TMEM74: variants seen among roughly 807,000 people sequenced by gnomAD.
TMEM74 encodes transmembrane protein 74.
TMEM74 carries 13 observed loss-of-function variants against 18.1 expected under a neutral mutation model. The observed-to-expected ratio is 0.72, with a 90% CI of 0.47 to 1.14. The LOEUF (loss-of-function observed/expected upper bound fraction) is 1.14, where lower values mean the gene tolerates loss of function less well. Among genes scored for constraint, TMEM74 ranks in the 50% most tolerant of loss-of-function variants. TMEM74 has a pLI of 0.00. For synonymous variants in TMEM74, 159 were observed against 146.6 expected (o/e 1.08, Z -0.61); for missense variants, 372 against 375.9 (o/e 0.99, Z 0.09).
In TMEM74 at chr8:108,751,744, CT is replaced by C. The variant is rs528054773; in HGVS notation, n.119+35731del. ...ACAATGACAAAAAATCCAAACAAACCTACCTAGACTAAAGGGAATAAAATAC... is the reference window on the plus strand; with the variant it reads ...ACAATGACAAAAAATCCAAACAAACCACCTAGACTAAAGGGAATAAAATAC... On this transcript the variant is annotated intron_variant and non_coding_transcript_variant, in intron 1 of 3. Coordinates refer to the TMEM74 transcript ENST00000518838. Among the ~76,000 whole-genome samples the C allele has an allele frequency of 7.4e-3, 1,129 of 152,152 alleles. 7 individuals are homozygous for C. The highest frequency in any genetic ancestry group is 0.01 in the Non-Finnish European group (713 of 67,964).
At chr8:108,633,939 G>C (rs1812580423) in intron 2 of TMEM74, among the ~76,000 whole-genome samples, 1 of 151,924 alleles carries the variant, frequency 6.6e-6, no homozygotes, top group South Asian at 2.1e-4. Flanking sequence ...TATTTTATTT[G>C]GTTTCAACAG....
chr8:108,750,086 C>T (rs1367729736), intron 1 of TMEM74, among the ~76,000 whole-genome samples: 1 of 152,060 alleles, frequency 6.6e-6, no homozygotes, highest in African/African-American at 2.4e-5. Context: ...TTTTCAAAAT[C>T]CTAAACTGCT....
chr8:108,656,697 T>C (rs1812824665), intron 1 of TMEM74, among the ~76,000 whole-genome samples: 1 of 152,182 alleles, frequency 6.6e-6, no homozygotes, highest in South Asian at 2.1e-4. Context: ...CGATCATAAA[T>C]TCAGCTTAGA....
In TMEM74 at chr8:108,784,595, C is replaced by T. The variant is rs770087708; in HGVS notation, c.504G>A (p.Thr168=). 6 of 1,614,132 alleles carry T rather than the reference C, an allele frequency of 3.7e-6. No individual in the cohort carries two copies. The highest frequency in any genetic ancestry group is 1.1e-5 in the South Asian group (1 of 91,086). ...EEEDDTSSEA[T]SSGKSIDYGF... is the part of the protein sequence containing the mutation. ...CATAGTCTATAGACTTCCCTGAAGA[C>T]GTGGCTTCTGAACTTGTATCATCCT... The change falls in exon 2 of 2, where the codon ACG becomes ACA. Residue 168 remains threonine, a synonymous_variant. Coordinates refer to ENST00000297459, the MANE Select transcript of TMEM74 (RefSeq NM_153015.3).
chr8:108,674,027 G>A (rs1317513414), intron 1 of TMEM74, among the ~76,000 whole-genome samples: 1 of 152,104 alleles, frequency 6.6e-6, no homozygotes, highest in African/African-American at 2.4e-5. Context: ...CCTAGACTAG[G>A]TAAATTCAGC....
intron 1 of TMEM74, among the ~76,000 whole-genome samples, chr8:108,693,552 C>A (rs1252241098): frequency 6.6e-6 from 1 of 152,182 alleles, no homozygotes; most frequent in Non-Finnish European, 1.5e-5. Context: ...TAATACATTC[C>A]TTGTATACAA....
chr8:108,717,487 A>T (rs975342479), intron 1 of TMEM74, among the ~76,000 whole-genome samples: 10 of 152,178 alleles, frequency 6.6e-5, no homozygotes, highest in African/African-American at 2.4e-4. Context: ...CATGGAGTTG[A>T]TATCTTAGTG....
At chr8:108,774,200 G>A (rs1223429256), downstream of TMEM74, among the ~76,000 whole-genome samples, 1 of 152,176 alleles carries the variant, frequency 6.6e-6, no homozygotes, top group African/African-American at 2.4e-5. Context: ...CTGGCTAGCT[G>A]TTCAAACCCA....
Position 108,684,598 on chromosome 8 carries a change from A to G in TMEM74, n.120-29161T>C, listed in dbSNP as rs192494514. ...TAGTTTGATATAATCCCATTTGTTT[A>G]TTTTTGCTTTTGTGGCCTGTGCTTT... On this transcript the variant is annotated intron_variant and non_coding_transcript_variant, in intron 1 of 3. Coordinates refer to the TMEM74 transcript ENST00000518838. Among the ~76,000 whole-genome samples the G allele has an allele frequency of 1.4e-3, 214 of 150,146 alleles. 1 individual carries two copies. Among genetic ancestry groups the G allele is most frequent in the Middle Eastern group, 7.0e-3 (2 of 284 alleles).
intron 1 of TMEM74, among the ~76,000 whole-genome samples, chr8:108,733,380 A>G (rs1330061453): frequency 6.6e-6 from 1 of 152,200 alleles, no homozygotes; most frequent in Non-Finnish European, 1.5e-5. Context: ...GTTGAGTAAG[A>G]GAGAAACAAA....
intron 2 of TMEM74, among the ~76,000 whole-genome samples, chr8:108,641,488 C>T (rs1027318468): frequency 7.9e-5 from 12 of 152,120 alleles, no homozygotes; most frequent in African/African-American, 2.4e-4. Flanking sequence ...GTGCATTCCT[C>T]TCTCCTGCTG....
rs200476024 is a variant in TMEM74 at position 108,784,758 on chromosome 8, A to G, written c.341T>C (p.Val114Ala). 595 of 1,614,064 alleles carry G rather than the reference A, an allele frequency of 3.7e-4. No homozygotes were observed. Among genetic ancestry groups the G allele is most frequent in the Non-Finnish European group, 4.8e-4 (561 of 1,180,034 alleles). Residue 114 changes from valine to alanine, a missense_variant, in exon 2 of 2, where the codon GTG (valine) becomes GCG (alanine). By Grantham distance (64) the Val-to-Ala change is moderately conservative. Transcript: ENST00000297459. ...SQELETSFTYVDKNINLEQRN... is the reference protein window; with the variant it reads ...SQELETSFTYADKNINLEQRN... Reference sequence around the variant, plus strand: ...CTGCTCCAAGTTGATGTTTTTGTCCACATAGGTAAAAGAAGTTTCTAATTC... The same window carrying G: ...CTGCTCCAAGTTGATGTTTTTGTCCGCATAGGTAAAAGAAGTTTCTAATTC...
chr8:108,748,418 T>G (rs1484041315), intron 1 of TMEM74, among the ~76,000 whole-genome samples: 1 of 152,172 alleles, frequency 6.6e-6, no homozygotes, highest in Non-Finnish European at 1.5e-5. Flanking sequence ...GGTTGTTGTT[T>G]TTTTTTCTTG....
Position 108,784,326 on chromosome 8 carries a change from T to TC in TMEM74, c.772dup (p.Glu258GlyfsTer31). 3 of 1,613,836 alleles carry TC rather than the reference T, an allele frequency of 1.9e-6. No individual in the cohort carries two copies. Among genetic ancestry groups the TC allele is most frequent in the Non-Finnish European group, 2.5e-6 (3 of 1,179,972 alleles). On this transcript the variant is annotated frameshift_variant, in exon 2 of 2. Coordinates refer to ENST00000297459, the MANE Select transcript of TMEM74 (RefSeq NM_153015.3). LOFTEE classifies it high-confidence loss of function. ...GGCAAATCTGTTTCGACGATAGAGC[T>TC]CCCCCTTCCACATGGACATCATTAA...
chr8:108,659,798 T>C (rs188925066), intron 1 of TMEM74, among the ~76,000 whole-genome samples: 1 of 152,158 alleles, frequency 6.6e-6, no homozygotes, highest in African/African-American at 2.4e-5. Flanking sequence ...CAGCCTCAGT[T>C]GTCAGCTCCC....
intron 1 of TMEM74, among the ~76,000 whole-genome samples, chr8:108,786,005 C>T (rs552152573): frequency 6.6e-6 from 1 of 152,182 alleles, no homozygotes; most frequent in African/African-American, 2.4e-5. Context: ...TACTCCCGTT[C>T]CCTGGGTCTG....
intron 1 of TMEM74, among the ~76,000 whole-genome samples, chr8:108,667,720 T>C (rs1161893514): frequency 1.3e-5 from 2 of 152,164 alleles, no homozygotes; most frequent in Non-Finnish European, 2.9e-5. Flanking sequence ...GCATAGTTTA[T>C]AAAAGTAGAA....
In TMEM74 at chr8:108,768,644, C is replaced by T. The variant is rs192053180; in HGVS notation, n.119+18832G>A. 2.8e-3 allele frequency among the ~76,000 whole-genome samples: 433 copies of T among 152,264 alleles called. 2 individuals are homozygous for T. The highest frequency in any genetic ancestry group is 5.0e-3 in the Admixed American group (76 of 15,298). The stretch of plus-strand genomic sequence containing the variant: ...TGTCATAGCACAACTCTCTTCAATT[C>T]CCACCTTCCTCTGGTAGGTCTGGGA... On this transcript the variant is annotated intron_variant and non_coding_transcript_variant, in intron 1 of 3. Transcript: ENST00000518838.
At chr8:108,692,159 T>A (rs1241114208) in intron 1 of TMEM74, among the ~76,000 whole-genome samples, 1 of 152,224 alleles carries the variant, frequency 6.6e-6, no homozygotes, top group Non-Finnish European at 1.5e-5. Context: ...TGCATGTGTA[T>A]GTAAAGAGTT....
Sources: gnomAD v4.1 joint callset for allele counts (sites outside exome capture counted in the v4.1 genomes callset) on GRCh38, gnomAD v4.1.1 for gene constraint, MANE v1.5 for transcripts, NCBI Gene and HGNC (gene_info 2026-07-23, HGNC 2026-07-21) for gene names.